The following MKKS variants were observed in gnomAD, a reference collection of about 807,000 sequenced individuals.
MKKS encodes molecular chaperone MKKS.
Under a neutral mutation model 33.2 loss-of-function variants are expected in MKKS, and 29 were observed. That is an observed-to-expected ratio of 0.87 (90% CI 0.65 to 1.19). MKKS has a LOEUF of 1.19. Among genes scored for constraint, MKKS ranks in the 50% most tolerant of loss-of-function variants. The pLI is 0.00. For synonymous variants in MKKS, 260 were observed against 244.0 expected, an observed-to-expected ratio of 1.07 and a Z score of -0.61; for missense variants, 661 against 662.3, an observed-to-expected ratio of 1.00 and a Z score of 0.02.
In MKKS at chr20:10,413,943, TA is replaced by T. The variant is rs528193828; in HGVS notation, c.-417-13del. On this transcript the variant is annotated splice_polypyrimidine_tract_variant and intron_variant, in intron 2 of 5. Transcript: ENST00000347364. ...AGCTGCTTCTTTACCTAATAAATAATAAAAAAAACATTTTAGAGAAATACTT... is the reference window on the plus strand; with the variant it reads ...AGCTGCTTCTTTACCTAATAAATAATAAAAAAACATTTTAGAGAAATACTT... The T allele has an allele frequency of 1.7e-5, 7 of 404,626 alleles. No individual in the cohort carries two copies. Among genetic ancestry groups the T allele is most frequent in the East Asian group, 1.4e-4 (4 of 28,300 alleles). The allele number at this position is 404,626 out of a possible 1,614,324, so 25.1% of individuals were successfully genotyped here. A position where few individuals can be genotyped will look rare whatever the true frequency, so the allele number is the denominator to read the frequency against.
chr20:10,407,563 AAAAC>A (rs2064851608), intron 5 of MKKS, 49 bp downstream of exon 5: 2 of 1,515,354 alleles, frequency 1.3e-6, no homozygotes, highest in Non-Finnish European at 1.8e-6. Context: ...ATTATCTCAG[AAAAC>A]AAAAGTTGCT....
intron 3 of MKKS, 135 bp from the exon 4 acceptor site, chr20:10,408,938 T>G: frequency 1.5e-6 from 1 of 651,978 alleles, no homozygotes; most frequent in Non-Finnish European, 2.6e-6. Context: ...ACAGGATAAA[T>G]AAGATGAATA....
chr20:10,406,301 A>G (rs923152829), intron 5 of MKKS, among the ~76,000 whole-genome samples: 2 of 152,246 alleles, frequency 1.3e-5, no homozygotes, highest in Non-Finnish European at 2.9e-5. Flanking sequence ...AAATTAATAT[A>G]TAGCCATGCA....
Position 10,412,937 on chromosome 20 carries a change from T to A in MKKS, c.578A>T (p.His193Leu). 6.2e-7 allele frequency: 1 copy of A among 1,613,762 alleles called. No homozygotes were observed. Among genetic ancestry groups the A allele is most frequent in the Non-Finnish European group, 8.5e-7 (1 of 1,179,844 alleles). The stretch of plus-strand genomic sequence containing the variant: ...AATTAAACTCTTTCCTAAAATGATG[T>A]GGCCTTCAGCATTTTCTGGAATTGT... The part of the protein sequence containing the change: ...LLTIPENAEG[H>L]IILGKSLIVP... The change falls in exon 3 of 6, where the codon CAC becomes CTC. Residue 193 changes from histidine to leucine, a missense_variant. Coordinates refer to ENST00000347364, the MANE Select transcript of MKKS (RefSeq NM_170784.3).
chr20:10,408,389 G>A (rs1029384233), intron 4 of MKKS, among the ~76,000 whole-genome samples: 4 of 152,118 alleles, frequency 2.6e-5, no homozygotes, highest in Admixed American at 1.3e-4. Flanking sequence ...AGAAAAGTTC[G>A]CATGTCAAGG....
At chr20:10,427,717 CT>C (rs2065025909) in intron 1 of MKKS, among the ~76,000 whole-genome samples, 1 of 152,134 alleles carries the variant, frequency 6.6e-6, no homozygotes, top group Non-Finnish European at 1.5e-5. Flanking sequence ...TTTCCTTTTT[CT>C]TTTCCAACTA....
At chr20:10,410,577 G>A (rs952645988) in intron 3 of MKKS, among the ~76,000 whole-genome samples, 8 of 152,120 alleles carry the variant, frequency 5.3e-5, no homozygotes, top group Non-Finnish European at 7.4e-5. Context: ...GCAGTGAGCC[G>A]AGATTGCGCC....
chr20:10,410,573 A>C (rs2064876599), intron 3 of MKKS, among the ~76,000 whole-genome samples: 1 of 152,156 alleles, frequency 6.6e-6, no homozygotes, highest in Non-Finnish European at 1.5e-5. Context: ...GGTTGCAGTG[A>C]GCCGAGATTG....
chr20:10,411,156 T>G (rs1445638076), intron 3 of MKKS, among the ~76,000 whole-genome samples: 1 of 151,466 alleles, frequency 6.6e-6, no homozygotes, highest in Non-Finnish European at 1.5e-5. Flanking sequence ...CAGCTAATTT[T>G]TTTGTATTTT....
chr20:10,427,023 A>C (rs879447283), intron 1 of MKKS, among the ~76,000 whole-genome samples: 6,509 of 103,278 alleles, frequency 0.063, 233 homozygotes, highest in Admixed American at 0.096. Flanking sequence ...AAGAAAAGAA[A>C]ACACTGACAC....
chr20:10,430,954 T>C (rs6077786), intron 1 of MKKS, among the ~76,000 whole-genome samples: 75,422 of 151,978 alleles, frequency 0.5, 19,268 homozygotes, highest in Non-Finnish European at 0.56. Flanking sequence ...ATGGCGAGAA[T>C]CAAAGTCTAA....
chr20:10,427,974 G>A (rs1473462511), intron 1 of MKKS, among the ~76,000 whole-genome samples: 2 of 152,222 alleles, frequency 1.3e-5, no homozygotes, highest in East Asian at 3.8e-4. Flanking sequence ...GCCGAAACAG[G>A]TATGCGTAAG....
rs2064837029 is a variant in MKKS at position 10,405,564 on chromosome 20, C to T, written c.1396G>A (p.Gly466Ser). ...SVVGSLEHDGGEILTDMKYGH... is the reference protein window; with the variant it reads ...SVVGSLEHDGSEILTDMKYGH... ...TACTTCATGTCAGTGAGAATTTCAC[C>T]TCCATCATGTTCTAAAGAGCCAACA... is the stretch of plus-strand genomic sequence containing the variant. The change falls in exon 6 of 6, where the codon GGT becomes AGT. Residue 466 changes from glycine to serine, a missense_variant. By Grantham distance (56) the Gly-to-Ser change is moderately conservative (BLOSUM62 0). Coordinates refer to ENST00000347364, the MANE Select transcript of MKKS (RefSeq NM_170784.3). 6.2e-7 allele frequency: 1 copy of T among 1,614,178 alleles called. No individual in the cohort carries two copies. The highest frequency in any genetic ancestry group is 8.5e-7 in the Non-Finnish European group (1 of 1,180,038).
At chr20:10,409,253 T>C (rs2064863632) in intron 3 of MKKS, among the ~76,000 whole-genome samples, 1 of 152,198 alleles carries the variant, frequency 6.6e-6, no homozygotes. Context: ...GCTATCCAAA[T>C]AGTTGTGTAG....
In MKKS at chr20:10,413,250, T is replaced by G. The variant is rs1275433016; in HGVS notation, c.265A>C (p.Ser89Arg). ...ASIQNHVSSF[S>R]DCGLFTAILC... is the part of the protein sequence containing the mutation. ...ATAGCTGTGAATAAGCCACAATCAC[T>G]GAAGCTTGACACATGATTCTGTATG... is the stretch of plus-strand genomic sequence containing the variant. Residue 89 changes from serine (S) to arginine (R), a missense_variant, in exon 3 of 6, where the codon AGT becomes CGT. By Grantham distance (110) the Ser-to-Arg change is moderately radical. Coordinates refer to ENST00000347364, the MANE Select transcript of MKKS (RefSeq NM_170784.3). The G allele has an allele frequency of 1.2e-6, 2 of 1,614,228 alleles. No individual in the cohort carries two copies.
At chr20:10,421,708 C>T (rs1237628783) in intron 1 of MKKS, among the ~76,000 whole-genome samples, 2 of 151,898 alleles carry the variant, frequency 1.3e-5, no homozygotes, top group African/African-American at 2.4e-5. Context: ...ACAGGGTTAT[C>T]GACCTAGTTT....
Position 10,413,126 on chromosome 20 carries a change from T to A in MKKS, c.389A>T (p.Tyr130Phe). The A allele has an allele frequency of 6.2e-7, 1 of 1,614,130 alleles. No individual in the cohort carries two copies. The highest frequency in any genetic ancestry group is 1.1e-5 in the South Asian group (1 of 91,090). ...NKHLLSLCIS[Y>F]LKSETCGCRI... ...ACAACCACAGGTCTCAGACTTGAGA[T>A]AACTGATGCAAAGACTCAAAAGATG... Residue 130 changes from tyrosine to phenylalanine, a missense_variant, in exon 3 of 6, where the codon TAT becomes TTT. Transcript: ENST00000347364.
chr20:10,402,041 G>A lies in MKKS; in HGVS notation c.*3206C>T, dbSNP rs1422304082. 1 of 152,176 alleles carries A rather than the reference G, an allele frequency of 6.6e-6. No homozygotes were observed. Among genetic ancestry groups the A allele is most frequent in the Non-Finnish European group, 1.5e-5 (1 of 68,030 alleles). The allele number at this position is 152,176 out of a possible 1,614,324, so 9.4% of individuals were successfully genotyped here. ...AATCCTAATGCCTTTTGATTAATAA[G>A]ATGATAATCCTGTTGGACTCCTATG... On this transcript the variant is annotated 3_prime_UTR_variant, in exon 6 of 6. Coordinates refer to ENST00000347364, the MANE Select transcript of MKKS (RefSeq NM_170784.3).
chr20:10,417,799 AC>A (rs1234801578), intron 2 of MKKS, among the ~76,000 whole-genome samples: 2 of 152,238 alleles, frequency 1.3e-5, no homozygotes, highest in African/African-American at 2.4e-5. Context: ...AATTAAAAAA[AC>A]AAATGAAAGT....
Sources: gnomAD v4.1 joint callset for allele counts (sites outside exome capture counted in the v4.1 genomes callset) on GRCh38, gnomAD v4.1.1 for gene constraint, MANE v1.5 for transcripts, NCBI Gene and HGNC (gene_info 2026-07-23, HGNC 2026-07-21) for gene names.